ANKRD36C: variants seen among roughly 807,000 people sequenced by gnomAD.
ANKRD36C encodes ankyrin repeat domain 36C.
A neutral mutation model predicts 276.4 loss-of-function variants in ANKRD36C; 61 were observed. The ratio of observed to expected loss-of-function variants is 0.22; its 90% CI spans 0.18 to 0.27. ANKRD36C has a LOEUF of 0.27. ANKRD36C is among the 10% of genes least tolerant of loss of function. ANKRD36C has a pLI of 1.00. For missense variants in ANKRD36C, 1,447 were observed against 2,032.3 expected, an observed-to-expected ratio of 0.71 and a Z score of 5.54; for synonymous variants, 483 against 680.1, an observed-to-expected ratio of 0.71 and a Z score of 4.51.
intron 16 of ANKRD36C, 35 bp from the exon 17 acceptor site, chr2:95,948,631 G>A (rs1198928890): frequency 5.9e-6 from 9 of 1,529,054 alleles, no homozygotes; most frequent in East Asian, 2.5e-5. Flanking sequence ...AAATGAGCAC[G>A]TTCATTTCTT....
intron 54 of ANKRD36C, among the ~76,000 whole-genome samples, chr2:95,883,322 A>C (rs1337078700): frequency 6.6e-6 from 1 of 152,172 alleles, no homozygotes; most frequent in Non-Finnish European, 1.5e-5. Context: ...AAGTCAATTA[A>C]TGAATTCAAA....
intron 42 of ANKRD36C, among the ~76,000 whole-genome samples, chr2:95,908,905 TCAAA>T (rs1676830805): frequency 6.6e-6 from 1 of 151,228 alleles, no homozygotes; most frequent in Non-Finnish European, 1.5e-5. Context: ...TCTTAGAATT[TCAAA>T]CATGGTATGA....
exon 9 of ANKRD36C, chr2:95,960,654 T>C (rs1168547808): frequency 3.2e-6 from 4 of 1,261,262 alleles, no homozygotes; most frequent in East Asian, 2.6e-5. Context: ...AGGCCGGTTG[T>C]TTCTGAGAAG....
chr2:95,972,155 G>A (rs1678713156), intron 6 of ANKRD36C, among the ~76,000 whole-genome samples: 1 of 152,124 alleles, frequency 6.6e-6, no homozygotes, highest in African/African-American at 2.4e-5. Flanking sequence ...CTTTGCTGGT[G>A]TTTGGAAATT....
intron 5 of ANKRD36C, among the ~76,000 whole-genome samples, chr2:95,979,485 G>A (rs13415368): frequency 2.6e-5 from 4 of 152,026 alleles, no homozygotes; most frequent in Admixed American, 6.6e-5. Flanking sequence ...AGTAGAATCC[G>A]AAAATATTTT....
intron 48 of ANKRD36C, among the ~76,000 whole-genome samples, chr2:95,889,189 G>A (rs994576717): frequency 6.6e-6 from 1 of 151,458 alleles, no homozygotes; most frequent in African/African-American, 2.4e-5. Context: ...ATAGTTTCCT[G>A]CTTCCAGTAG....
chr2:95,925,240 C>A, intron 30 of ANKRD36C, 112 bp downstream of exon 30: 1 of 1,500,628 alleles, frequency 6.7e-7, no homozygotes, highest in East Asian at 2.5e-5. Flanking sequence ...CAATCTCAGG[C>A]CTGCTTAATC....
chr2:95,934,325 T>G lies in ANKRD36C; in HGVS notation c.1735+1129A>C, dbSNP rs577604556. 2.0e-5 allele frequency among the ~76,000 whole-genome samples: 3 copies of G among 152,114 alleles called. No homozygotes were observed. The South Asian group carries it at 6.2e-4, about 32-fold the overall frequency. On this transcript the variant is annotated intron_variant, in intron 24 of 66. Transcript: ENST00000456556. ...ACATCTATGTCTATTGCAGCACTAC[T>G]CACAATAGCAAAGACTTGGAACCAG...
At chr2:95,861,132 T>C (rs1675568622) in intron 60 of ANKRD36C, among the ~76,000 whole-genome samples, 1 of 151,816 alleles carries the variant, frequency 6.6e-6, no homozygotes, top group East Asian at 1.9e-4. Context: ...AATGGAAAGA[T>C]TATAAGTAAA....
intron 48 of ANKRD36C, among the ~76,000 whole-genome samples, chr2:95,888,668 C>G (rs1318808138): frequency 6.6e-6 from 1 of 151,656 alleles, no homozygotes; most frequent in Admixed American, 6.6e-5. Context: ...TTGCTGAAAC[C>G]TAGTAGATAA....
At chr2:95,871,962 G>A (rs1470848414) in intron 59 of ANKRD36C, among the ~76,000 whole-genome samples, 2 of 149,646 alleles carry the variant, frequency 1.3e-5, no homozygotes, top group African/African-American at 4.9e-5. Context: ...AACAAGAAGA[G>A]CTAACTATCC....
At chr2:95,987,895 C>A (rs554437897) in intron 1 of ANKRD36C, among the ~76,000 whole-genome samples, 36 of 152,082 alleles carry the variant, frequency 2.4e-4, no homozygotes, top group African/African-American at 8.7e-4. Flanking sequence ...CTCAGATGCT[C>A]ATTTTCTCAC....
chr2:95,963,775 G>A (rs1173997702), intron 6 of ANKRD36C, among the ~76,000 whole-genome samples: 6 of 106,338 alleles, frequency 5.6e-5, no homozygotes, highest in Non-Finnish European at 1.1e-4. Flanking sequence ...TACATTTCCC[G>A]GATTCAGCAG....
chr2:95,912,063 C>G (rs1173910708), intron 42 of ANKRD36C, among the ~76,000 whole-genome samples, 181 bp downstream of exon 44: 2 of 151,384 alleles, frequency 1.3e-5, no homozygotes, highest in Admixed American at 6.6e-5. Context: ...TATAATCTTA[C>G]AGTGAAGATC....
At chr2:95,975,183 C>T (rs921488099) in intron 6 of ANKRD36C, among the ~76,000 whole-genome samples, 13 of 152,030 alleles carry the variant, frequency 8.6e-5, no homozygotes, top group Admixed American at 4.6e-4. Flanking sequence ...GAATCAATAT[C>T]GTGAAAATGG....
Position 95,888,225 on chromosome 2 carries a change from G to C in ANKRD36C, c.2960-105C>G, listed in dbSNP as rs1676249345. 1.2e-5 allele frequency: 18 copies of C among 1,554,314 alleles called. No individual in the cohort carries two copies. In the Middle Eastern group the frequency reaches 2.3e-3, roughly 199 times the overall value. On this transcript the variant is annotated intron_variant, in intron 48 of 66. Coordinates refer to ENST00000456556, the Ensembl canonical transcript of ANKRD36C. ...AAGATGTATCTTCCTGCCTGTATTAGTATAGGCTTTGATGTTTTCTACTTT... is the reference window on the plus strand; with the variant it reads ...AAGATGTATCTTCCTGCCTGTATTACTATAGGCTTTGATGTTTTCTACTTT...
chr2:95,981,207 G>C (rs1447419167), intron 4 of ANKRD36C, among the ~76,000 whole-genome samples: 1 of 151,688 alleles, frequency 6.6e-6, no homozygotes, highest in Non-Finnish European at 1.5e-5. Context: ...GCTAATAGTA[G>C]TAGTCGTAGC....
At chr2:95,977,740 G>A (rs1678842927) in intron 6 of ANKRD36C, among the ~76,000 whole-genome samples, 1 of 152,008 alleles carries the variant, frequency 6.6e-6, no homozygotes, top group Non-Finnish European at 1.5e-5. Flanking sequence ...TGTAATTATT[G>A]ATTCATTTAG....
chr2:95,973,026 C>T (rs1227412297), intron 6 of ANKRD36C, among the ~76,000 whole-genome samples: 1 of 152,016 alleles, frequency 6.6e-6, no homozygotes, highest in Non-Finnish European at 1.5e-5. Context: ...AGGAAGATTG[C>T]TTGAGATCAA....
Sources: allele counts gnomAD v4.1 joint callset (sites outside exome capture counted in the v4.1 genomes callset), GRCh38; gene constraint gnomAD v4.1.1; transcripts MANE v1.5; gene names NCBI Gene and HGNC (gene_info 2026-07-23, HGNC 2026-07-21).